The following TSHR variants were observed in gnomAD, a reference collection of about 807,000 sequenced individuals.
The protein encoded by TSHR is thyrotropin receptor.
In TSHR, 51 loss-of-function variants were observed where a neutral mutation model predicts 64.1. That is an observed-to-expected ratio of 0.80 (90% CI 0.64 to 1.01). The LOEUF is 1.01. Ranked by LOEUF, TSHR falls within the 50% of genes least tolerant of loss-of-function variation. The pLI, the probability that TSHR is intolerant of heterozygous loss-of-function variation, is 0.00. For missense variants in TSHR, 877 were observed against 942.8 expected (o/e 0.93, Z 0.91); for synonymous variants, 361 against 361.9 (o/e 1.00, Z 0.03).
intron 1 of TSHR, among the ~76,000 whole-genome samples, chr14:80,972,632 A>G (rs1433937024): frequency 6.6e-6 from 1 of 152,020 alleles, no homozygotes; most frequent in African/African-American, 2.4e-5. Context: ...TATAAAATTA[A>G]CCATTTTCAA....
In TSHR at chr14:81,143,295, G is replaced by T; in HGVS notation, c.1237G>T (p.Gly413Cys). Residue 413 changes from glycine (G) to cysteine (C), a missense_variant, in exon 10 of 10, where the codon GGC becomes TGC. By Grantham distance (159) the Gly-to-Cys change is radical. Coordinates refer to ENST00000298171, the MANE Select transcript of TSHR (RefSeq NM_000369.5). ...DEFNPCEDIM[G>C]YKFLRIVVWF... is the part of the protein sequence containing the mutation. ...GTTCAACCCGTGTGAAGACATAATGGGCTACAAGTTCCTGAGAATTGTGGT... is the reference window on the plus strand; with the variant it reads ...GTTCAACCCGTGTGAAGACATAATGTGCTACAAGTTCCTGAGAATTGTGGT... 6.2e-7 allele frequency: 1 copy of T among 1,614,146 alleles called. No individual in the cohort carries two copies.
chr14:81,113,294 G>A (rs999420522), intron 8 of TSHR, among the ~76,000 whole-genome samples: 2 of 152,278 alleles, frequency 1.3e-5, no homozygotes, highest in Non-Finnish European at 2.9e-5. Context: ...TGAGAGAAAC[G>A]AAGGAATCAA....
At chr14:81,110,673 T>G (rs545160238) in intron 8 of TSHR, among the ~76,000 whole-genome samples, 1 of 152,256 alleles carries the variant, frequency 6.6e-6, no homozygotes, top group African/African-American at 2.4e-5. Flanking sequence ...AACAACTGAT[T>G]GACATCAGAA....
intron 8 of TSHR, among the ~76,000 whole-genome samples, chr14:81,116,913 A>C (rs1327258295): frequency 6.9e-6 from 1 of 145,334 alleles, no homozygotes; most frequent in Non-Finnish European, 1.5e-5. Context: ...GAAACTGAAC[A>C]ACCTGCTCCT....
intron 1 of TSHR, among the ~76,000 whole-genome samples, chr14:81,059,568 G>A (rs1018179007): frequency 5.3e-5 from 8 of 152,202 alleles, no homozygotes; most frequent in Admixed American, 4.6e-4. Context: ...TTTTGTCCCA[G>A]CGTGTTATCA....
At chr14:81,094,355 T>C (rs1218162622) in intron 6 of TSHR, 1 of 152,220 alleles carries the variant, frequency 6.6e-6, no homozygotes, top group Admixed American at 6.5e-5. Context: ...GTATTTTTAA[T>C]GTCCAGGACT....
At chr14:81,047,397 T>C (rs997887675) in intron 1 of TSHR, among the ~76,000 whole-genome samples, 2 of 152,228 alleles carry the variant, frequency 1.3e-5, no homozygotes, top group Admixed American at 6.5e-5. Flanking sequence ...ATATAGGTGA[T>C]AAACATATAC....
chr14:81,043,353 TA>T (rs1436851572), intron 1 of TSHR, among the ~76,000 whole-genome samples: 3 of 151,974 alleles, frequency 2.0e-5, no homozygotes, highest in African/African-American at 7.2e-5. Context: ...ACAAAAAGAA[TA>T]AAATACCTAA....
intron 7 of TSHR, chr14:81,102,963 C>G: frequency 1.0e-6 from 1 of 985,366 alleles, no homozygotes; most frequent in Non-Finnish European, 1.2e-6. Flanking sequence ...AAGCTGGAAA[C>G]TGCTCCTGTT....
intron 1 of TSHR, among the ~76,000 whole-genome samples, chr14:80,965,073 G>C (rs1051847668): frequency 1.6e-4 from 24 of 152,234 alleles, no homozygotes; most frequent in African/African-American, 4.3e-4. Flanking sequence ...CAGCCCCTGA[G>C]CTTCCACAGC....
rs377235690 is a variant in TSHR, at chr14:81,089,771, C to T, written c.393-1298C>T. ...TCCCTCCTACTGTTCTTCATGAGCA[C>T]CTATTGCAATTGAACTAGTTCGTTT... On this transcript the variant is annotated intron_variant, in intron 4 of 9. Transcript: ENST00000298171. Among the ~76,000 whole-genome samples the T allele has an allele frequency of 2.0e-5, 3 of 152,246 alleles. No individual in the cohort carries two copies. The South Asian group carries it at 6.2e-4, about 32-fold the overall frequency.
intron 1 of TSHR, among the ~76,000 whole-genome samples, chr14:81,046,037 A>T (rs970054347): frequency 6.6e-6 from 1 of 152,194 alleles, no homozygotes; most frequent in African/African-American, 2.4e-5. Flanking sequence ...CTTTGCTGCA[A>T]GGCTTCCTCT....
chr14:81,037,448 A>AAAAAAAAAAAAAC (rs1273226258), intron 1 of TSHR, among the ~76,000 whole-genome samples: 6 of 128,444 alleles, frequency 4.7e-5, no homozygotes, highest in Non-Finnish European at 1.1e-4. Flanking sequence ...AACAAACAAA[A>AAAAAAAAAAAAAC]AACAGAAAAT....
intron 8 of TSHR, among the ~76,000 whole-genome samples, chr14:81,114,491 C>T (rs1166273348): frequency 6.6e-6 from 1 of 152,226 alleles, no homozygotes; most frequent in East Asian, 1.9e-4. Context: ...AAACGGCGCA[C>T]CACGAGATTA....
chr14:81,062,271 T>A, intron 2 of TSHR, 52 bp downstream of exon 2: 1 of 1,382,178 alleles, frequency 7.2e-7, no homozygotes, highest in Non-Finnish European at 1.0e-6. Flanking sequence ...TGTTATTCTC[T>A]AAACGTGTTC....
At chr14:81,105,105 A>G (rs1404377250) in intron 7 of TSHR, 1 of 985,222 alleles carries the variant, frequency 1.0e-6, no homozygotes, top group Non-Finnish European at 1.2e-6. Flanking sequence ...CTCTAAAATA[A>G]TCATTTTCTA....
At chr14:81,133,897 A>G (rs112888826) in intron 8 of TSHR, among the ~76,000 whole-genome samples, 4,265 of 152,270 alleles carry the variant, frequency 0.028, 73 homozygotes, top group South Asian at 0.051. Flanking sequence ...CCCTATCACT[A>G]TAACAATCAT....
At chr14:80,983,457 G>C (rs548027285) in intron 1 of TSHR, 103 of 1,328,564 alleles carry the variant, frequency 7.8e-5, no homozygotes, top group Admixed American at 2.0e-4. Context: ...GAAGGCACTG[G>C]CAGCATCAAA....
intron 1 of TSHR, chr14:80,982,751 A>T: frequency 1.5e-6 from 1 of 689,092 alleles, no homozygotes; most frequent in East Asian, 3.1e-5. Context: ...GCTGAAGAAA[A>T]TGCCTATTCT....
Sources: allele counts gnomAD v4.1 joint callset (sites outside exome capture counted in the v4.1 genomes callset), GRCh38; gene constraint gnomAD v4.1.1; transcripts MANE v1.5; gene names NCBI Gene and HGNC (gene_info 2026-07-23, HGNC 2026-07-21).